The following TRIP4 variants were observed in gnomAD, a reference collection of about 807,000 sequenced individuals.
TRIP4 encodes activating signal cointegrator 1.
In TRIP4, 54 loss-of-function variants were observed where a neutral mutation model predicts 81.8. The ratio of observed to expected loss-of-function variants is 0.66; its 90% CI spans 0.53 to 0.83. The LOEUF (loss-of-function observed/expected upper bound fraction) is 0.83. Among genes scored for constraint, TRIP4 ranks in the 40% least tolerant of loss-of-function variants. The pLI, the probability that TRIP4 is intolerant of heterozygous loss-of-function variation, is 0.00. For synonymous variants in TRIP4, 270 were observed against 242.8 expected, an observed-to-expected ratio of 1.11 and a Z score of -1.04; for missense variants, 662 against 683.6, an observed-to-expected ratio of 0.97 and a Z score of 0.35.
chr15:64,408,533 A>G (rs1891685759), intron 6 of TRIP4, among the ~76,000 whole-genome samples: 1 of 41,286 alleles, frequency 2.4e-5, no homozygotes, highest in South Asian at 3.9e-4. Flanking sequence ...TGTTGGGATT[A>G]CAGGTGTTGA....
intron 12 of TRIP4, among the ~76,000 whole-genome samples, chr15:64,452,587 C>G (rs1173197945): frequency 6.6e-6 from 1 of 152,142 alleles, no homozygotes. Context: ...TAGCTATAAT[C>G]TTCTTAATAA....
chr15:64,451,632 C>T (rs1458016490), intron 12 of TRIP4, among the ~76,000 whole-genome samples: 14 of 151,522 alleles, frequency 9.2e-5, no homozygotes, highest in South Asian at 2.1e-4. Flanking sequence ...CCACCATACC[C>T]GGCTAATTTT....
intron 11 of TRIP4, among the ~76,000 whole-genome samples, chr15:64,433,446 C>G (rs1022169314): frequency 1.3e-5 from 2 of 151,346 alleles, no homozygotes; most frequent in Non-Finnish European, 2.9e-5. Flanking sequence ...ACTAAAAATA[C>G]AAAAAAAATT....
intron 5 of TRIP4, among the ~76,000 whole-genome samples, chr15:64,405,890 G>A (rs750042403): frequency 6.6e-6 from 1 of 152,184 alleles, no homozygotes; most frequent in Non-Finnish European, 1.5e-5. Context: ...TATTCAGGAA[G>A]CTGAGGTGGA....
At chr15:64,399,451 A>G (rs549677641) in intron 4 of TRIP4, among the ~76,000 whole-genome samples, 2 of 152,174 alleles carry the variant, frequency 1.3e-5, no homozygotes, top group African/African-American at 4.8e-5. Context: ...AGTATTGTAC[A>G]GTGTTTTCTC....
chr15:64,397,473 TC>T (rs1156614025), intron 3 of TRIP4, 132 bp from the exon 4 acceptor site: 35 of 834,554 alleles, frequency 4.2e-5, no homozygotes, highest in Admixed American at 2.4e-4. Flanking sequence ...TTGTATTTCT[TC>T]CTTTCACTGC....
chr15:64,392,884 G>A (rs1210286267), intron 1 of TRIP4, among the ~76,000 whole-genome samples: 2 of 151,916 alleles, frequency 1.3e-5, no homozygotes, highest in African/African-American at 4.8e-5. Flanking sequence ...CAAATTGTTG[G>A]GATTACAGGC....
intron 1 of TRIP4, among the ~76,000 whole-genome samples, chr15:64,392,263 A>C (rs1176378183): frequency 6.8e-6 from 1 of 147,712 alleles, no homozygotes; most frequent in Non-Finnish European, 1.5e-5. Flanking sequence ...GCACCACTGC[A>C]CTCCAGCCTG....
chr15:64,446,435 C>T (rs773632079), intron 12 of TRIP4, among the ~76,000 whole-genome samples: 26 of 141,638 alleles, frequency 1.8e-4, no homozygotes, highest in Non-Finnish European at 4.0e-4. Context: ...GACAGAGTCT[C>T]ACTCTGTCTC....
chr15:64,390,307 C>A (rs555639203), intron 1 of TRIP4, among the ~76,000 whole-genome samples: 1 of 150,300 alleles, frequency 6.7e-6, no homozygotes, highest in African/African-American at 2.4e-5. Context: ...ACTAAAAATA[C>A]AAAACTTAGT....
chr15:64,409,880 A>G, intron 7 of TRIP4, 52 bp downstream of exon 7: 2 of 1,533,660 alleles, frequency 1.3e-6, no homozygotes, highest in Non-Finnish European at 1.8e-6. Flanking sequence ...GTTGACCATA[A>G]AGGATTTTCC....
At chr15:64,411,313 G>A (rs1891756112) in intron 7 of TRIP4, among the ~76,000 whole-genome samples, 1 of 152,158 alleles carries the variant, frequency 6.6e-6, no homozygotes, top group Admixed American at 6.5e-5. Flanking sequence ...TGGCTTTTGG[G>A]TGATAATGAT....
intron 4 of TRIP4, 115 bp from the exon 5 acceptor site, chr15:64,400,628 T>C: frequency 1.3e-6 from 1 of 747,790 alleles, no homozygotes; most frequent in Non-Finnish European, 2.2e-6. Context: ...AAAACACCAA[T>C]AGTCTCATTA....
chr15:64,436,985 G>A (rs976059067), intron 11 of TRIP4, among the ~76,000 whole-genome samples: 7 of 151,364 alleles, frequency 4.6e-5, no homozygotes, highest in Non-Finnish European at 8.8e-5. Flanking sequence ...GGGATTACAG[G>A]CATGAGCCTC....
In TRIP4 at chr15:64,422,807, T is replaced by C. The variant is rs115976127; in HGVS notation, c.1359-1224T>C. On this transcript the variant is annotated intron_variant, in intron 9 of 12. Coordinates refer to ENST00000261884, the MANE Select transcript of TRIP4 (RefSeq NM_016213.5). ...AAATAAAGTAGGTGGTTTTGCCACA[T>C]TTGTGGGACCATTTTCCCAGTAATT... is the stretch of plus-strand genomic sequence containing the variant. Among the ~76,000 whole-genome samples, 1,423 of 152,314 alleles carry C rather than the reference T, an allele frequency of 9.3e-3. 19 individuals carry two copies. The highest frequency in any genetic ancestry group is 0.032 in the African/African-American group (1,332 of 41,568).
chr15:64,434,773 CT>C (rs944304855), intron 11 of TRIP4, among the ~76,000 whole-genome samples: 111 of 152,212 alleles, frequency 7.3e-4, no homozygotes, highest in African/African-American at 2.5e-3. Context: ...TTCATTTTAC[CT>C]TTAAGTAAAC....
chr15:64,408,157 A>ATTT (rs1490984644), intron 6 of TRIP4, among the ~76,000 whole-genome samples: 15 of 45,416 alleles, frequency 3.3e-4, no homozygotes, highest in African/African-American at 6.4e-4. Context: ...AGTCTGCTTT[A>ATTT]TTTTTGTTTT....
At chr15:64,413,216 G>A (rs560135417) in intron 7 of TRIP4, among the ~76,000 whole-genome samples, 2 of 150,990 alleles carry the variant, frequency 1.3e-5, no homozygotes, top group South Asian at 4.2e-4. Flanking sequence ...TTTTCTTTTT[G>A]TGACAGGGCC....
intron 1 of TRIP4, among the ~76,000 whole-genome samples, chr15:64,389,007 GGTTGGGGAAATGAAGGGGCTT>G (rs145615822): frequency 0.048 from 7,346 of 152,242 alleles, 236 homozygotes; most frequent in South Asian, 0.086. Flanking sequence ...TGAGTGCTGA[GGTTGGGGAAATGAAGGGGCTT>G]GTTGGAGCAC....
Sources: allele counts gnomAD v4.1 joint callset (sites outside exome capture counted in the v4.1 genomes callset), GRCh38; gene constraint gnomAD v4.1.1; transcripts MANE v1.5; gene names NCBI Gene and HGNC (gene_info 2026-07-23, HGNC 2026-07-21).